Variants in UGT1A4 observed in about 807,000 individuals in gnomAD.
UGT1A4 encodes UDP-glucuronosyltransferase 1A4.
A neutral mutation model predicts 41.1 loss-of-function variants in UGT1A4; 32 were observed. The observed-to-expected ratio is 0.78, with a 90% CI of 0.59 to 1.05. UGT1A4 has a LOEUF of 1.05. UGT1A4 is among the 50% of genes least tolerant of loss of function. UGT1A4 has a pLI of 0.00. For missense variants in UGT1A4, 748 were observed against 677.4 expected (o/e 1.10, Z -1.16); for synonymous variants, 283 against 265.1 (o/e 1.07, Z -0.66).
At chr2:233,756,610 A>C (rs946399513) in intron 1 of UGT1A4, among the ~76,000 whole-genome samples, 3 of 152,216 alleles carry the variant, frequency 2.0e-5, no homozygotes, top group African/African-American at 7.2e-5. Context: ...GAAACCATTA[A>C]GACTTGCAGG....
chr2:233,746,554 C>T (rs567530423), intron 1 of UGT1A4, among the ~76,000 whole-genome samples: 1 of 151,860 alleles, frequency 6.6e-6, no homozygotes, highest in South Asian at 2.1e-4. Flanking sequence ...ACTTCTTAGC[C>T]CCTAGAGCAC....
chr2:233,725,714 T>G lies in UGT1A4; in HGVS notation c.867+6027T>G, dbSNP rs572434706. Among the ~76,000 whole-genome samples, 94 of 152,356 alleles carry G rather than the reference T, an allele frequency of 6.2e-4. 1 individual carries two copies. In the South Asian group the frequency reaches 0.019, roughly 32 times the overall value. ...AGTCATATGTAGTTAGTGACTACCA[T>G]ATGGTCAATGTTTACAAATGTAAAC... On this transcript the variant is annotated intron_variant, in intron 1 of 4. Transcript: ENST00000373409.
chr2:233,751,261 C>T (rs1694682107), intron 1 of UGT1A4, among the ~76,000 whole-genome samples: 1 of 151,890 alleles, frequency 6.6e-6, no homozygotes, highest in South Asian at 2.1e-4. Flanking sequence ...GGCCTGTAGC[C>T]CCCTTTTTTT....
intron 1 of UGT1A4, among the ~76,000 whole-genome samples, chr2:233,746,833 TG>T (rs1311657706): frequency 6.6e-6 from 1 of 151,788 alleles, no homozygotes; most frequent in Non-Finnish European, 1.5e-5. Context: ...CTACCACTGT[TG>T]GGGACCTCTC....
intron 1 of UGT1A4, among the ~76,000 whole-genome samples, chr2:233,750,317 C>A (rs543565956): frequency 1.3e-5 from 2 of 151,994 alleles, no homozygotes; most frequent in South Asian, 4.1e-4. Flanking sequence ...ATCTGTGGAA[C>A]TTTGAACTTC....
intron 2 of UGT1A4, 140 bp downstream of exon 2, chr2:233,767,305 G>A (rs907806050): frequency 6.6e-7 from 1 of 1,518,864 alleles, no homozygotes; most frequent in Admixed American, 2.3e-5. Flanking sequence ...TAATCCAAAG[G>A]TTTTTTTTGT....
At chr2:233,729,965 A>T (rs149856651) in intron 1 of UGT1A4, 3 of 1,613,950 alleles carry the variant, frequency 1.9e-6, no homozygotes, top group Non-Finnish European at 2.5e-6. Context: ...GGGGGCATCA[A>T]CTGTGCCAAC....
At chr2:233,731,679 T>G (rs2078190648) in intron 1 of UGT1A4, among the ~76,000 whole-genome samples, 1 of 152,262 alleles carries the variant, frequency 6.6e-6, no homozygotes, top group East Asian at 1.9e-4. Flanking sequence ...TAATCCAGTC[T>G]ATCATTGATG....
intron 1 of UGT1A4, chr2:233,750,495 G>C (rs1427890072): frequency 6.6e-6 from 1 of 151,984 alleles, no homozygotes; most frequent in African/African-American, 2.4e-5. Flanking sequence ...AAGTAAGGAG[G>C]AGCCAAATGT....
intron 1 of UGT1A4, among the ~76,000 whole-genome samples, chr2:233,735,934 C>T (rs2078711337): frequency 6.6e-6 from 1 of 152,038 alleles, no homozygotes; most frequent in South Asian, 2.1e-4. Context: ...TCTGTGGCTG[C>T]CCTTAACATT....
At chr2:233,728,892 C>T (rs781127697) in intron 1 of UGT1A4, among the ~76,000 whole-genome samples, 15 of 152,110 alleles carry the variant, frequency 9.9e-5, no homozygotes, top group Non-Finnish European at 2.2e-4. Context: ...CCAGAGTGAG[C>T]ACAGGGTCAG....
chr2:233,743,960 G>C (rs745723342), intron 1 of UGT1A4: 11 of 1,334,214 alleles, frequency 8.2e-6, no homozygotes, highest in Non-Finnish European at 1.1e-5. Flanking sequence ...CACAGCGAGC[G>C]GCAAGGCTGC....
At chr2:233,724,310 G>T (rs1212736933) in intron 1 of UGT1A4, among the ~76,000 whole-genome samples, 1 of 141,024 alleles carries the variant, frequency 7.1e-6, no homozygotes, top group African/African-American at 2.6e-5. Flanking sequence ...CCTCCCTCCC[G>T]GACGGGGCGG....
chr2:233,749,426 C>T (rs1034149432), intron 1 of UGT1A4, among the ~76,000 whole-genome samples: 2 of 151,878 alleles, frequency 1.3e-5, no homozygotes, highest in African/African-American at 4.9e-5. Flanking sequence ...TTGCTCAAAA[C>T]TTCACTGTCA....
chr2:233,752,468 T>C (rs1694980469), intron 1 of UGT1A4: 1 of 152,362 alleles, frequency 6.6e-6, no homozygotes, highest in Admixed American at 6.5e-5. Flanking sequence ...TATAGGCCTC[T>C]AGCAGTGTTA....
At chr2:233,730,838 T>G (rs2078079443) in intron 1 of UGT1A4, among the ~76,000 whole-genome samples, 1 of 152,124 alleles carries the variant, frequency 6.6e-6, no homozygotes, top group Admixed American at 6.5e-5. Context: ...CAGGAGAGGC[T>G]CATCACATCA....
At chr2:233,752,219 T>C (rs897315678) in intron 1 of UGT1A4, 28 of 152,194 alleles carry the variant, frequency 1.8e-4, no homozygotes, top group African/African-American at 6.0e-4. Context: ...AGAAAAAATA[T>C]CTGGCATTTT....
intron 1 of UGT1A4, among the ~76,000 whole-genome samples, chr2:233,764,785 C>T (rs567027233): frequency 9.9e-5 from 15 of 152,240 alleles, no homozygotes; most frequent in African/African-American, 3.4e-4. Flanking sequence ...GAAAAACCAT[C>T]CTCAGGGTGT....
chr2:233,747,399 C>G, intron 1 of UGT1A4: 4 of 1,606,666 alleles, frequency 2.5e-6, no homozygotes, highest in Non-Finnish European at 3.4e-6. Context: ...GGTCCTCACC[C>G]CAGAGGTGAA....
Sources: gnomAD v4.1 joint callset for allele counts (sites outside exome capture counted in the v4.1 genomes callset) on GRCh38, gnomAD v4.1.1 for gene constraint, MANE v1.5 for transcripts, NCBI Gene and HGNC (gene_info 2026-07-23, HGNC 2026-07-21) for gene names.